Variants in RNF212 observed in about 807,000 individuals in gnomAD.
RNF212 encodes ring finger protein 212.
RNF212 carries 33 observed loss-of-function variants against 34.7 expected under a neutral mutation model. That is an observed-to-expected ratio of 0.95 (90% CI 0.72 to 1.27). The LOEUF (loss-of-function observed/expected upper bound fraction) is 1.27. RNF212 is among the 50% of genes most tolerant of loss of function. The probability of loss-of-function intolerance (pLI) is 0.00; values close to 1 mark genes in which losing one functional copy is unlikely to be tolerated. For missense variants in RNF212, 377 were observed against 362.2 expected (o/e 1.04, Z -0.33); for synonymous variants, 140 against 136.1 (o/e 1.03, Z -0.20).
At chr4:1,056,407 C>CAG (rs1717333678) in exon 5 of RNF212, 1 of 508,582 alleles carries the variant, frequency 2.0e-6, no homozygotes, top group Non-Finnish European at 2.5e-6. Flanking sequence ...GCTCATCTTT[C>CAG]AGGTGTCACT....
At position 1,073,675 on chromosome 4, in the gene RNF212, CAAG is replaced by C. The variant is rs1268826865; in HGVS notation, c.511-16_511-14del. The stretch of plus-strand genomic sequence containing the variant: ...CTGCTATCTCAGACTAAGAATGCAA[CAAG>C]AAAACAATGGGTAAAATTCCAATAT... On this transcript the variant is annotated splice_polypyrimidine_tract_variant and intron_variant, in intron 8 of 9. Transcript: ENST00000433731. The C allele has an allele frequency of 6.3e-7, 1 of 1,598,764 alleles. No individual in the cohort carries two copies.
Position 1,113,359 on chromosome 4 carries a change from T to C in RNF212, c.106A>G (p.Lys36Glu). 3.2e-6 allele frequency: 5 copies of C among 1,568,240 alleles called. No homozygotes were observed. The highest frequency in any genetic ancestry group is 3.4e-6 in the Non-Finnish European group (4 of 1,159,978). ...GHVYCDACLG[K>E]GKKNECLICK... ...CCTGCGTTCGGGAAGCCCTGACCTT[T>C]GCCGAGGCAGGCGTCGCAGTACACG... The change falls in exon 1 of 10, where the codon AAA becomes GAA. Residue 36 changes from lysine (K) to glutamate (E), a missense_variant. Transcript: ENST00000433731.
Position 1,096,848 on chromosome 4 carries a change from G to A in RNF212, c.172-9C>T. ...TGGATATCTGCGTCGGTCTGAAAGA[G>A]AAAGAAATGACTCTACATTTATTGT... On this transcript the variant is annotated splice_polypyrimidine_tract_variant and intron_variant, in intron 2 of 9. Coordinates refer to ENST00000433731, the MANE Select transcript of RNF212 (RefSeq NM_001131034.4). 2 of 1,589,920 alleles carry A rather than the reference G, an allele frequency of 1.3e-6. No homozygotes were observed. Among genetic ancestry groups the A allele is most frequent in the Non-Finnish European group, 1.7e-6 (2 of 1,157,642 alleles).
chr4:1,089,199 C>A (rs1721802506), intron 4 of RNF212, among the ~76,000 whole-genome samples: 1 of 152,258 alleles, frequency 6.6e-6, no homozygotes. Flanking sequence ...CTGTACCCTA[C>A]AGAGCCACAG....
In RNF212 at chr4:1,059,211, C is replaced by T. The variant is rs151172066; in HGVS notation, n.148-818G>A. Among the ~76,000 whole-genome samples, 203 of 152,322 alleles carry T rather than the reference C, an allele frequency of 1.3e-3. 1 individual carries two copies. The highest frequency in any genetic ancestry group is 4.7e-3 in the African/African-American group (194 of 41,574). On this transcript the variant is annotated intron_variant and non_coding_transcript_variant, in intron 3 of 4. Transcript: ENST00000503206. ...GAGCACAAGGCAGCCTCCGTGCCCC[C>T]GACAGGGGTCTTGTCTTTGCCCCGG... is the stretch of plus-strand genomic sequence containing the variant.
At chr4:1,057,301 A>C (rs1717392334) in intron 4 of RNF212, among the ~76,000 whole-genome samples, 2 of 152,148 alleles carry the variant, frequency 1.3e-5, no homozygotes, top group African/African-American at 4.8e-5. Flanking sequence ...CAGGCATCAA[A>C]AGCCACTCAA....
intron 3 of RNF212, among the ~76,000 whole-genome samples, chr4:1,064,214 T>C (rs1717939111): frequency 6.6e-6 from 1 of 152,310 alleles, no homozygotes; most frequent in African/African-American, 2.4e-5. Context: ...CCCATATATA[T>C]GTACATAAAT....
chr4:1,064,199 T>C (rs1019631949), intron 3 of RNF212, among the ~76,000 whole-genome samples: 2 of 152,182 alleles, frequency 1.3e-5, no homozygotes, highest in Admixed American at 6.5e-5. Flanking sequence ...TTATAACACA[T>C]AGATCCCATA....
chr4:1,066,193 G>A (rs1018495346), intron 3 of RNF212, among the ~76,000 whole-genome samples: 1 of 151,992 alleles, frequency 6.6e-6, no homozygotes, highest in Non-Finnish European at 1.5e-5. Flanking sequence ...GAACAGCTGG[G>A]ACTACATGCA....
chr4:1,093,953 T>C, intron 3 of RNF212: 1 of 1,536,230 alleles, frequency 6.5e-7, no homozygotes, highest in Non-Finnish European at 8.7e-7. Context: ...TCTGGGCACC[T>C]CCTTGGAGGA....
At chr4:1,111,489 C>A (rs924033677) in intron 1 of RNF212, among the ~76,000 whole-genome samples, 5 of 152,206 alleles carry the variant, frequency 3.3e-5, no homozygotes, top group Admixed American at 3.3e-4. Flanking sequence ...TTCCCTCCCG[C>A]TGGGCTCCTC....
intron 2 of RNF212, 71 bp from the exon 3 acceptor site, chr4:1,096,910 T>A: frequency 8.7e-7 from 1 of 1,149,310 alleles, no homozygotes; most frequent in Non-Finnish European, 1.3e-6. Flanking sequence ...TTAAAAACTG[T>A]ACTTGAAGAC....
In RNF212 at chr4:1,072,913, C is replaced by T; in HGVS notation, c.855G>A (p.Val285=). The part of the protein sequence containing the change: ...DTFRTPAVSV[V]FPLCQFERKK... ...TCCTTTCAAATTGGCAAAGAGGAAA[C>T]ACAACAGACACAGCGGGTGTTCTGA... is the stretch of plus-strand genomic sequence containing the variant. Residue 285 remains valine (V), a synonymous_variant, in exon 10 of 10, where the codon GTG becomes GTA. Transcript: ENST00000433731. 1 of 1,613,420 alleles carries T rather than the reference C, an allele frequency of 6.2e-7. No individual in the cohort carries two copies. Among genetic ancestry groups the T allele is most frequent in the Non-Finnish European group, 8.5e-7 (1 of 1,179,542 alleles).
At chr4:1,110,262 A>T (rs971834844) in intron 1 of RNF212, among the ~76,000 whole-genome samples, 1 of 152,218 alleles carries the variant, frequency 6.6e-6, no homozygotes, top group Non-Finnish European at 1.5e-5. Flanking sequence ...GAATAGGCAT[A>T]GGAAAAAATG....
intron 2 of RNF212, chr4:1,100,266 A>G: frequency 3.8e-6 from 1 of 264,962 alleles, no homozygotes; most frequent in South Asian, 4.3e-5. Context: ...TATTGTTAAG[A>G]CCCAGTCACA....
chr4:1,095,536 T>C, intron 3 of RNF212, among the ~76,000 whole-genome samples: 1 of 99,926 alleles, frequency 1.0e-5, no homozygotes, highest in African/African-American at 4.9e-5. Context: ...GGTCTCGGGA[T>C]AGTGCACCTG....
chr4:1,080,423 A>G (rs930966937), intron 7 of RNF212, among the ~76,000 whole-genome samples: 1 of 152,086 alleles, frequency 6.6e-6, no homozygotes, highest in African/African-American at 2.4e-5. Context: ...ACCCGCTCCC[A>G]GTGTCTCAGA....
intron 2 of RNF212, among the ~76,000 whole-genome samples, chr4:1,097,406 C>G (rs928609480): frequency 6.6e-5 from 10 of 151,030 alleles, no homozygotes; most frequent in Admixed American, 1.3e-4. Context: ...AGATCGAGAC[C>G]ATCCTGTCTA....
upstream of RNF212, chr4:1,113,609 T>A: frequency 1.8e-6 from 1 of 544,664 alleles, no homozygotes; most frequent in Non-Finnish European, 3.0e-6. Flanking sequence ...GCACTGGAGC[T>A]CGCGCCCTCC....
Sources: gnomAD v4.1 joint callset for allele counts (sites outside exome capture counted in the v4.1 genomes callset) on GRCh38, gnomAD v4.1.1 for gene constraint, MANE v1.5 for transcripts, NCBI Gene and HGNC (gene_info 2026-07-23, HGNC 2026-07-21) for gene names.